Variants in PDZRN4 observed in about 807,000 individuals in gnomAD.
The protein encoded by PDZRN4 is PDZ domain containing ring finger 4, also known as PDZ domain-containing RING finger protein 4.
In PDZRN4, 70 loss-of-function variants were observed where a neutral mutation model predicts 99.0. The observed-to-expected ratio is 0.71, with a 90% CI of 0.58 to 0.86. The LOEUF (loss-of-function observed/expected upper bound fraction) is 0.86. PDZRN4 is among the 40% of genes least tolerant of loss of function. The pLI is 0.00. For synonymous variants in PDZRN4, 551 were observed against 501.6 expected, an observed-to-expected ratio of 1.10 and a Z score of -1.32; for missense variants, 1,474 against 1,331.2, an observed-to-expected ratio of 1.11 and a Z score of -1.67.
chr12:41,545,402 T>G (rs1221329337), intron 5 of PDZRN4, among the ~76,000 whole-genome samples: 5 of 152,140 alleles, frequency 3.3e-5, no homozygotes, highest in African/African-American at 1.2e-4. Flanking sequence ...AAGACTAATT[T>G]TATGATCTCT....
chr12:41,261,826 C>A (rs926388914), intron 3 of PDZRN4, among the ~76,000 whole-genome samples: 4 of 152,096 alleles, frequency 2.6e-5, no homozygotes, highest in African/African-American at 4.8e-5. Flanking sequence ...GTTTTGAAAT[C>A]TCTTCAGTTC....
Position 41,509,851 on chromosome 12 carries a change from G to A in PDZRN4, c.1141G>A (p.Asp381Asn). Residue 381 changes from aspartate (D) to asparagine (N), a missense_variant, in exon 5 of 10, where the codon GAC becomes AAC. Asp to Asn is a conservative substitution (Grantham distance 23). Transcript: ENST00000402685. ...TCCAATGGAGCATGAATTTTATGAG[G>A]ACAATGAGTATATTTCCAGCTTGCC... Reference protein sequence around the residue: ...LHPMEHEFYEDNEYISSLPAD... With the variant: ...LHPMEHEFYENNEYISSLPAD... 2 of 1,602,214 alleles carry A rather than the reference G, an allele frequency of 1.2e-6. No homozygotes were observed. Among genetic ancestry groups the A allele is most frequent in the African/African-American group, 1.3e-5 (1 of 74,668 alleles).
chr12:41,255,341 C>G (rs958101279), intron 3 of PDZRN4, among the ~76,000 whole-genome samples: 7 of 152,118 alleles, frequency 4.6e-5, no homozygotes, highest in Admixed American at 1.3e-4. Context: ...GATAATTAAG[C>G]CAAGACAACA....
chr12:41,471,178 T>C (rs1313116887), intron 3 of PDZRN4, among the ~76,000 whole-genome samples: 1 of 152,190 alleles, frequency 6.6e-6, no homozygotes, highest in Non-Finnish European at 1.5e-5. Flanking sequence ...TATGGCAGCC[T>C]CCCTTAAGCA....
intron 3 of PDZRN4, among the ~76,000 whole-genome samples, chr12:41,428,683 C>T (rs538732606): frequency 3.3e-5 from 5 of 152,164 alleles, no homozygotes; most frequent in South Asian, 2.1e-4. Flanking sequence ...AGAGGAGTTG[C>T]GACCAGGGAA....
intron 3 of PDZRN4, among the ~76,000 whole-genome samples, chr12:41,263,537 A>G (rs1326955192): frequency 2.0e-5 from 3 of 152,142 alleles, no homozygotes. Flanking sequence ...AAATACAAAA[A>G]TTAGCTGAGC....
rs771579635 is a variant in PDZRN4 at position 41,573,899 on chromosome 12, A to G, written c.*9A>G. 3.9e-6 allele frequency: 6 copies of G among 1,519,466 alleles called. No individual in the cohort carries two copies. Among genetic ancestry groups the G allele is most frequent in the South Asian group, 2.7e-5 (2 of 74,396 alleles). The allele number at this position is 1,519,466 out of a possible 1,614,324, so 94.1% of individuals were successfully genotyped here. On this transcript the variant is annotated 3_prime_UTR_variant, in exon 10 of 10. Transcript: ENST00000402685. ...CGGTGACCACTGTATGACCGAATGA[A>G]TGGAATGCATGCGACTGATTTTAGG...
At chr12:41,416,455 G>A (rs551394068) in intron 3 of PDZRN4, among the ~76,000 whole-genome samples, 27 of 152,168 alleles carry the variant, frequency 1.8e-4, no homozygotes, top group African/African-American at 5.5e-4. Context: ...GACCAGCCTG[G>A]CCAACATGGT....
chr12:41,506,539 G>A lies in PDZRN4; in HGVS notation c.927G>A (p.Gln309=). 1 of 1,613,828 alleles carries A rather than the reference G, an allele frequency of 6.2e-7. No individual in the cohort carries two copies. The highest frequency in any genetic ancestry group is 8.5e-7 in the Non-Finnish European group (1 of 1,179,860). ...FRNAKEPIVV[Q]VLRRTPLSRP... is the part of the protein sequence containing the mutation. ...ATGCCAAGGAGCCCATTGTGGTGCAGGTGTTAAGGCGAACACCTCTTAGTA... is the reference window on the plus strand; with the variant it reads ...ATGCCAAGGAGCCCATTGTGGTGCAAGTGTTAAGGCGAACACCTCTTAGTA... Residue 309 remains glutamine (Q), a synonymous_variant, in exon 4 of 10, where the codon CAG becomes CAA. Transcript: ENST00000402685.
intron 3 of PDZRN4, among the ~76,000 whole-genome samples, chr12:41,460,705 G>A (rs895106147): frequency 3.9e-5 from 6 of 152,200 alleles, no homozygotes; most frequent in South Asian, 2.1e-4. Flanking sequence ...ATACGTAGAT[G>A]TAAATATAGG....
At chr12:41,428,096 A>G (rs1323828386) in intron 3 of PDZRN4, among the ~76,000 whole-genome samples, 25 of 152,152 alleles carry the variant, frequency 1.6e-4, no homozygotes, top group East Asian at 1.9e-4. Context: ...TCAAAAAAAC[A>G]ACAACAAAAA....
chr12:41,381,897 G>T (rs568724818), intron 3 of PDZRN4, among the ~76,000 whole-genome samples: 4 of 152,150 alleles, frequency 2.6e-5, no homozygotes, highest in Non-Finnish European at 5.9e-5. Flanking sequence ...AGTTCAACCT[G>T]TGCTTCTGGA....
At chr12:41,456,302 AC>A (rs546950823) in intron 3 of PDZRN4, among the ~76,000 whole-genome samples, 1 of 152,166 alleles carries the variant, frequency 6.6e-6, no homozygotes, top group South Asian at 2.1e-4. Context: ...ACTTGAATGT[AC>A]TTCTCCCCAG....
At chr12:41,430,948 A>G (rs781725664) in intron 3 of PDZRN4, among the ~76,000 whole-genome samples, 1 of 152,136 alleles carries the variant, frequency 6.6e-6, no homozygotes, top group Non-Finnish European at 1.5e-5. Flanking sequence ...TGGTGAGAGC[A>G]GGAGCAAGAT....
chr12:41,243,169 G>A (rs887365016), intron 3 of PDZRN4, among the ~76,000 whole-genome samples: 3 of 152,176 alleles, frequency 2.0e-5, no homozygotes, highest in Non-Finnish European at 4.4e-5. Flanking sequence ...TTTGCCTGAA[G>A]AATGTTCTTG....
chr12:41,192,879 T>C (rs772151191), intron 2 of PDZRN4, among the ~76,000 whole-genome samples: 8 of 152,246 alleles, frequency 5.3e-5, no homozygotes, highest in Non-Finnish European at 1.0e-4. Context: ...AGTTCTTTTA[T>C]ATCTTTGAAT....
chr12:41,403,840 C>G (rs1457735883), intron 3 of PDZRN4, among the ~76,000 whole-genome samples: 1 of 151,858 alleles, frequency 6.6e-6, no homozygotes, highest in Non-Finnish European at 1.5e-5. Flanking sequence ...CTAAAAATCA[C>G]AAAAAAATGC....
At chr12:41,452,279 A>G (rs982822714) in intron 3 of PDZRN4, among the ~76,000 whole-genome samples, 3 of 151,592 alleles carry the variant, frequency 2.0e-5, no homozygotes, top group African/African-American at 7.3e-5. Flanking sequence ...AAATACAAAA[A>G]AAAAAAAAAA....
intron 3 of PDZRN4, among the ~76,000 whole-genome samples, chr12:41,463,012 T>A (rs1309607505): frequency 6.6e-6 from 1 of 152,198 alleles, no homozygotes; most frequent in African/African-American, 2.4e-5. Flanking sequence ...CACAGCCTTG[T>A]CACCCTGATG....
Sources: gnomAD v4.1 joint callset for allele counts (sites outside exome capture counted in the v4.1 genomes callset) on GRCh38, gnomAD v4.1.1 for gene constraint, MANE v1.5 for transcripts, NCBI Gene and HGNC (gene_info 2026-07-23, HGNC 2026-07-21) for gene names.